The following CDH20 variants were observed in gnomAD, a reference collection of about 807,000 sequenced individuals.
CDH20 encodes cadherin-20.
CDH20 carries 29 observed loss-of-function variants against 74.2 expected under a neutral mutation model. That is an observed-to-expected ratio of 0.39 (90% confidence interval 0.29 to 0.53). The LOEUF (loss-of-function observed/expected upper bound fraction) is 0.53. Among genes scored for constraint, CDH20 ranks in the 20% least tolerant of loss-of-function variants. The pLI, the probability that CDH20 is intolerant of heterozygous loss-of-function variation, is 0.69. For missense variants in CDH20, 988 were observed against 1,048.3 expected (o/e 0.94, Z 0.79); for synonymous variants, 469 against 405.4 (o/e 1.16, Z -1.88).
At chr18:61,457,654 T>A (rs909916671) in intron 1 of CDH20, among the ~76,000 whole-genome samples, 6 of 152,162 alleles carry the variant, frequency 3.9e-5, no homozygotes, top group Non-Finnish European at 7.4e-5. Context: ...GTTGGAAGGA[T>A]CAAATATGAT....
In CDH20 at chr18:61,511,019, C is replaced by T. The variant is rs1177913294; in HGVS notation, c.1017+3459C>T. Among the ~76,000 whole-genome samples, 4 of 144,116 alleles carry T rather than the reference C, an allele frequency of 2.8e-5. No individual in the cohort carries two copies. In the East Asian group the frequency reaches 6.1e-4, roughly 22 times the overall value. 94.5% of individuals were successfully genotyped at this position (144,116 alleles called of 152,430 possible). A position where few individuals can be genotyped will look rare whatever the true frequency, so the allele number is the denominator to read the frequency against. On this transcript the variant is annotated intron_variant, in intron 6 of 11. Coordinates refer to ENST00000262717, the MANE Select transcript of CDH20 (RefSeq NM_031891.4). ...GTTTATTTGTTTGAACAGAGTCTCA[C>T]TCTGTCACCCAAGCTGGGGTGTGGT...
chr18:61,348,102 T>C (rs1031958233), intron 1 of CDH20, among the ~76,000 whole-genome samples: 1 of 152,168 alleles, frequency 6.6e-6, no homozygotes, highest in African/African-American at 2.4e-5. Context: ...TGATTTCATT[T>C]TTTTGGGGGG....
chr18:61,337,541 A>G (rs1005356711), intron 1 of CDH20, among the ~76,000 whole-genome samples: 1 of 152,194 alleles, frequency 6.6e-6, no homozygotes, highest in African/African-American at 2.4e-5. Context: ...ACAGTGATTA[A>G]TCTTTCACAT....
At chr18:61,468,261 G>C (rs562019978) in intron 1 of CDH20, among the ~76,000 whole-genome samples, 2 of 152,260 alleles carry the variant, frequency 1.3e-5, no homozygotes, top group Admixed American at 6.5e-5. Flanking sequence ...CATGTGTGGA[G>C]AACAGAAATG....
intron 1 of CDH20, among the ~76,000 whole-genome samples, chr18:61,462,524 C>T (rs1024822680): frequency 1.3e-5 from 2 of 152,126 alleles, no homozygotes; most frequent in Non-Finnish European, 1.5e-5. Flanking sequence ...GGACACAATT[C>T]AACCAATCAC....
intron 2 of CDH20, among the ~76,000 whole-genome samples, chr18:61,491,453 T>G (rs1910957122): frequency 6.6e-6 from 1 of 152,166 alleles, no homozygotes. Context: ...AAGAAACTAA[T>G]TAGAAAATAA....
At chr18:61,459,182 G>T (rs1258591086) in intron 1 of CDH20, among the ~76,000 whole-genome samples, 1 of 152,040 alleles carries the variant, frequency 6.6e-6, no homozygotes, top group Non-Finnish European at 1.5e-5. Context: ...CTATCATTGT[G>T]GCTATTACTT....
intron 1 of CDH20, chr18:61,391,524 T>C (rs1460265868): frequency 3.3e-5 from 5 of 152,258 alleles, no homozygotes; most frequent in South Asian, 4.1e-4. Flanking sequence ...TAATAATTGA[T>C]CCATACAAGG....
At chr18:61,399,736 A>G (rs919050633) in intron 1 of CDH20, among the ~76,000 whole-genome samples, 6 of 152,200 alleles carry the variant, frequency 3.9e-5, no homozygotes, top group Admixed American at 3.3e-4. Flanking sequence ...TCAACTTATG[A>G]TCATCTTAAA....
chr18:61,404,549 G>T (rs897252382), intron 1 of CDH20, among the ~76,000 whole-genome samples: 1 of 152,058 alleles, frequency 6.6e-6, no homozygotes, highest in African/African-American at 2.4e-5. Flanking sequence ...TATGAGGCAC[G>T]ATATTGAAAA....
At chr18:61,344,314 T>C (rs1387113340) in intron 1 of CDH20, among the ~76,000 whole-genome samples, 6 of 152,134 alleles carry the variant, frequency 3.9e-5, no homozygotes, top group African/African-American at 1.2e-4. Flanking sequence ...ATCATCACCA[T>C]TTAGTAGCTG....
chr18:61,476,327 C>G (rs1013667843), intron 1 of CDH20, among the ~76,000 whole-genome samples: 1 of 152,100 alleles, frequency 6.6e-6, no homozygotes, highest in Admixed American at 6.6e-5. Flanking sequence ...TCTGGAGAGA[C>G]AAAGATGCCC....
intron 1 of CDH20, among the ~76,000 whole-genome samples, chr18:61,372,014 A>G (rs1338847756): frequency 6.6e-6 from 1 of 152,148 alleles, no homozygotes; most frequent in African/African-American, 2.4e-5. Context: ...TGAAGAAACT[A>G]TCACTGTAGT....
intron 1 of CDH20, among the ~76,000 whole-genome samples, chr18:61,397,133 A>G (rs905593975): frequency 6.6e-6 from 1 of 152,094 alleles, no homozygotes; most frequent in East Asian, 1.9e-4. Flanking sequence ...TATAAGAAAC[A>G]GATTGCCCAA....
chr18:61,547,301 C>A (rs1350205248), intron 10 of CDH20, among the ~76,000 whole-genome samples: 1 of 152,130 alleles, frequency 6.6e-6, no homozygotes, highest in African/African-American at 2.4e-5. Context: ...GTACTCCAGA[C>A]TGGGTGACAG....
chr18:61,535,951 G>A (rs567787654), intron 7 of CDH20, among the ~76,000 whole-genome samples: 264 of 152,204 alleles, frequency 1.7e-3, no homozygotes, highest in Non-Finnish European at 3.0e-3. Flanking sequence ...TCTCCAGCTA[G>A]CAAATACATT....
At chr18:61,337,627 G>A (rs962853732) in intron 1 of CDH20, among the ~76,000 whole-genome samples, 2 of 152,160 alleles carry the variant, frequency 1.3e-5, no homozygotes, top group African/African-American at 4.8e-5. Context: ...TGTAATAAAG[G>A]TGGTTTTAAG....
At chr18:61,371,381 G>A (rs555529141) in intron 1 of CDH20, among the ~76,000 whole-genome samples, 8 of 152,124 alleles carry the variant, frequency 5.3e-5, no homozygotes, top group Non-Finnish European at 1.0e-4. Flanking sequence ...TATAGGTGCT[G>A]TATAGTGAAT....
rs566659842 is a variant in CDH20 at position 61,387,209 on chromosome 18, A to G, written c.-153+53382A>G. Among the ~76,000 whole-genome samples the G allele has an allele frequency of 2.6e-5, 4 of 152,274 alleles. No individual in the cohort carries two copies. In the East Asian group the frequency reaches 5.8e-4, roughly 22 times the overall value. On this transcript the variant is annotated intron_variant, in intron 1 of 11. Transcript: ENST00000262717. Reference sequence around the variant, plus strand: ...AGTGAACTAATGCCAATGACCAACAATGTGGTCCTGATGGCAAGCACGCCT... The same window carrying G: ...AGTGAACTAATGCCAATGACCAACAGTGTGGTCCTGATGGCAAGCACGCCT...
Sources: allele counts gnomAD v4.1 joint callset (sites outside exome capture counted in the v4.1 genomes callset), GRCh38; gene constraint gnomAD v4.1.1; transcripts MANE v1.5; gene names NCBI Gene and HGNC (gene_info 2026-07-23, HGNC 2026-07-21).